Variants in DHRSX observed in about 807,000 individuals in gnomAD.
The protein encoded by DHRSX is polyprenol dehydrogenase.
A neutral mutation model predicts 34.0 loss-of-function variants in DHRSX; 31 were observed. The ratio of observed to expected loss-of-function variants is 0.91; its 90% CI spans 0.69 to 1.23. The LOEUF is 1.23. Ranked by LOEUF, DHRSX falls within the 50% of genes most tolerant of loss-of-function variation. The probability of loss-of-function intolerance (pLI) is 0.00; values close to 1 mark genes in which losing one functional copy is unlikely to be tolerated. For synonymous variants in DHRSX, 201 were observed against 183.8 expected, an observed-to-expected ratio of 1.09 and a Z score of -0.76; for missense variants, 414 against 428.1, an observed-to-expected ratio of 0.97 and a Z score of 0.29.
chrX:2,359,540 C>T (rs766808739), intron 3 of DHRSX, among the ~76,000 whole-genome samples: 66 of 151,894 alleles, frequency 4.3e-4, no homozygotes, highest in South Asian at 1.7e-3. Flanking sequence ...ATTAGCTGGG[C>T]GTGGGGGCGT....
rs1556524040 is a variant in DHRSX, at chrX:2,459,579, T to TAC, written c.110-34277_110-34276dup. On this transcript the variant is annotated intron_variant, in intron 1 of 6. Coordinates refer to ENST00000334651, the MANE Select transcript of DHRSX (RefSeq NM_145177.3). ...ATATATATATATATATATATATATA[T>TAC]ACACACACATACAATATATATATAC... Among the ~76,000 whole-genome samples the TAC allele has an allele frequency of 6.5e-4, 83 of 127,948 alleles. 1 individual carries two copies. The highest frequency in any genetic ancestry group is 4.4e-3 in the East Asian group (20 of 4,520). The allele number at this position is 127,948 out of a possible 152,430, so 83.9% of individuals were successfully genotyped here. A position where few individuals can be genotyped will look rare whatever the true frequency, so the allele number is the denominator to read the frequency against.
intron 3 of DHRSX, among the ~76,000 whole-genome samples, chrX:2,367,257 G>A (rs2043004875): frequency 6.6e-6 from 1 of 151,862 alleles, no homozygotes; most frequent in Non-Finnish European, 1.5e-5. Flanking sequence ...GACCAACATG[G>A]TGAAATCCCG....
chrX:2,381,704 T>C (rs1390040410), intron 3 of DHRSX, among the ~76,000 whole-genome samples: 2 of 149,554 alleles, frequency 1.3e-5, no homozygotes, highest in Non-Finnish European at 2.9e-5. Context: ...TGAGGGCACG[T>C]ACGTTCCCTA....
intron 3 of DHRSX, among the ~76,000 whole-genome samples, chrX:2,360,658 GTTA>G (rs990242724): frequency 2.3e-4 from 35 of 151,976 alleles, no homozygotes; most frequent in Non-Finnish European, 4.6e-4. Context: ...TGACTGAAGG[GTTA>G]TTAATCTAGG....
In DHRSX at chrX:2,264,132, C is replaced by A. The variant is rs1484767203; in HGVS notation, c.596+2608G>T. ...TAAGTTGCCCAAGGACAGCAAATGGCTGGGGATGTACATATCCCACAACAC... is the reference window on the plus strand; with the variant it reads ...TAAGTTGCCCAAGGACAGCAAATGGATGGGGATGTACATATCCCACAACAC... On this transcript the variant is annotated intron_variant, in intron 5 of 6. Coordinates refer to ENST00000334651, the MANE Select transcript of DHRSX (RefSeq NM_145177.3). 2.0e-5 allele frequency among the ~76,000 whole-genome samples: 3 copies of A among 152,238 alleles called. No homozygotes were observed. In the East Asian group the frequency reaches 5.8e-4, roughly 29 times the overall value.
At position 2,481,378 on chromosome X, in the gene DHRSX, A is replaced by C. The variant is rs1340277984; in HGVS notation, c.109+19439T>G. On this transcript the variant is annotated intron_variant, in intron 1 of 6. Transcript: ENST00000334651. ...CCAGTTATGTGCTCAAGGTGTATCC[A>C]CACTGGGCTGGTCGCGGTGGCTCAC... is the stretch of plus-strand genomic sequence containing the variant. Among the ~76,000 whole-genome samples, 723 of 152,000 alleles carry C rather than the reference A, an allele frequency of 4.8e-3. 5 individuals are homozygous for C. The highest frequency in any genetic ancestry group is 0.016 in the African/African-American group (665 of 41,364).
chrX:2,393,740 ACGACACACAGGGACC>A (rs2043371754), intron 3 of DHRSX, among the ~76,000 whole-genome samples: 3 of 120,676 alleles, frequency 2.5e-5, no homozygotes, highest in Non-Finnish European at 5.1e-5. Flanking sequence ...TCCTGCACAC[ACGACACACAGGGACC>A]TCCCCATCTC....
At chrX:2,229,292 T>G (rs2015809422) in intron 6 of DHRSX, among the ~76,000 whole-genome samples, 1 of 152,174 alleles carries the variant, frequency 6.6e-6, no homozygotes, top group East Asian at 1.9e-4. Flanking sequence ...AGTAATGCTG[T>G]GGTCAAAGAG....
intron 3 of DHRSX, among the ~76,000 whole-genome samples, chrX:2,341,386 A>G (rs1338188960): frequency 6.6e-6 from 1 of 152,062 alleles, no homozygotes; most frequent in Non-Finnish European, 1.5e-5. Flanking sequence ...TGCTCTAGGG[A>G]AGAATTCTTC....
intron 3 of DHRSX, among the ~76,000 whole-genome samples, chrX:2,382,675 TCAC>T (rs1569495732): frequency 5.6e-5 from 4 of 71,366 alleles, no homozygotes; most frequent in African/African-American, 1.9e-4. Context: ...ACCATCATCA[TCAC>T]CATCACCATC....
chrX:2,380,957 G>C (rs192334580), intron 3 of DHRSX, among the ~76,000 whole-genome samples: 9,291 of 151,546 alleles, frequency 0.061, 641 homozygotes, highest in African/African-American at 0.17. Context: ...CTCCGCCTCC[G>C]AGGTTCAAGC....
chrX:2,382,531 C>G (rs1357122956), intron 3 of DHRSX, among the ~76,000 whole-genome samples: 16 of 64,006 alleles, frequency 2.5e-4, no homozygotes, highest in Non-Finnish European at 4.4e-4. Flanking sequence ...ATCATCACTA[C>G]CATCATCACC....
At chrX:2,388,925 G>C (rs1049030143) in intron 3 of DHRSX, among the ~76,000 whole-genome samples, 9 of 152,202 alleles carry the variant, frequency 5.9e-5, no homozygotes, top group Admixed American at 5.2e-4. Context: ...CACAGAGGAA[G>C]GACTCTGTGA....
At chrX:2,309,028 G>C (rs2042133683) in intron 3 of DHRSX, among the ~76,000 whole-genome samples, 1 of 152,134 alleles carries the variant, frequency 6.6e-6, no homozygotes, top group East Asian at 1.9e-4. Context: ...CTGTTTCTTA[G>C]TATCCTGATA....
At chrX:2,443,566 A>C (rs1485955145) in intron 1 of DHRSX, among the ~76,000 whole-genome samples, 1 of 152,168 alleles carries the variant, frequency 6.6e-6, no homozygotes, top group Non-Finnish European at 1.5e-5. Flanking sequence ...TGATGGATCA[A>C]GCAATGACAG....
intron 4 of DHRSX, 95 bp downstream of exon 4, chrX:2,291,407 C>A (rs1217227817): frequency 2.2e-6 from 2 of 915,388 alleles, no homozygotes; most frequent in Non-Finnish European, 3.6e-6. Context: ...CCATGGATAT[C>A]CTGTTTTGCT....
At chrX:2,396,018 T>C (rs1465105039) in intron 3 of DHRSX, among the ~76,000 whole-genome samples, 1 of 152,106 alleles carries the variant, frequency 6.6e-6, no homozygotes, top group African/African-American at 2.4e-5. Context: ...CTCAGGACCA[T>C]GCTCCCTCCG....
At chrX:2,496,272 G>C (rs1040723868) in intron 1 of DHRSX, among the ~76,000 whole-genome samples, 21 of 152,100 alleles carry the variant, frequency 1.4e-4, no homozygotes, top group African/African-American at 5.1e-4. Flanking sequence ...AATCTTGGCT[G>C]ACTGCAACCT....
chrX:2,391,663 C>G (rs1262894387), intron 3 of DHRSX, among the ~76,000 whole-genome samples: 4 of 152,100 alleles, frequency 2.6e-5, no homozygotes, highest in African/African-American at 7.2e-5. Context: ...TTCAAGAGGA[C>G]TCCTGTAATC....
Sources: gnomAD v4.1 joint callset for allele counts (sites outside exome capture counted in the v4.1 genomes callset) on GRCh38, gnomAD v4.1.1 for gene constraint, MANE v1.5 for transcripts, NCBI Gene and HGNC (gene_info 2026-07-23, HGNC 2026-07-21) for gene names.